Variants in ASIC2 observed in about 807,000 individuals in gnomAD.
The protein encoded by ASIC2 is acid sensing ion channel subunit 2.
Under a neutral mutation model 57.3 loss-of-function variants are expected in ASIC2, and 25 were observed. The ratio of observed to expected loss-of-function variants is 0.44; its 90% CI spans 0.32 to 0.61. The LOEUF (loss-of-function observed/expected upper bound fraction) is 0.61, where lower values mean the gene tolerates loss of function less well. ASIC2 is among the 20% of genes least tolerant of loss of function. The probability of loss-of-function intolerance (pLI) is 0.06; values close to 1 mark genes in which losing one functional copy is unlikely to be tolerated. For missense variants in ASIC2, 641 were observed against 738.1 expected, an observed-to-expected ratio of 0.87 and a Z score of 1.52; for synonymous variants, 319 against 307.5, an observed-to-expected ratio of 1.04 and a Z score of -0.39.
At chr17:34,124,322 G>A (rs1419581925) in intron 1 of ASIC2, among the ~76,000 whole-genome samples, 1 of 151,166 alleles carries the variant, frequency 6.6e-6, no homozygotes, top group African/African-American at 2.4e-5. Flanking sequence ...GCTGCTTCAC[G>A]CACCGAAGCA....
At chr17:34,061,215 T>G (rs961531610) in intron 1 of ASIC2, among the ~76,000 whole-genome samples, 2 of 152,008 alleles carry the variant, frequency 1.3e-5, no homozygotes, top group African/African-American at 2.4e-5. Context: ...AACAAAACCA[T>G]TATCAGCCAA....
At chr17:33,953,201 TCCTA>T (rs1904633835) in intron 1 of ASIC2, among the ~76,000 whole-genome samples, 1 of 152,224 alleles carries the variant, frequency 6.6e-6, no homozygotes, top group Non-Finnish European at 1.5e-5. Flanking sequence ...ATGACATTTC[TCCTA>T]CCTTTTTATA....
chr17:33,169,006 C>T (rs1313311357), intron 1 of ASIC2, among the ~76,000 whole-genome samples: 1 of 152,188 alleles, frequency 6.6e-6, no homozygotes, highest in East Asian at 1.9e-4. Flanking sequence ...TGTCCCATCA[C>T]AGGCCCAGAG....
intron 1 of ASIC2, among the ~76,000 whole-genome samples, chr17:33,311,990 A>G (rs977288169): frequency 1.3e-5 from 2 of 152,164 alleles, no homozygotes; most frequent in African/African-American, 4.8e-5. Flanking sequence ...CTTGGCCTTC[A>G]GAATAAAGTT....
intron 1 of ASIC2, among the ~76,000 whole-genome samples, chr17:33,130,363 T>C (rs1392920443): frequency 2.0e-5 from 3 of 152,054 alleles, no homozygotes; most frequent in African/African-American, 7.2e-5. Flanking sequence ...AATGGCAAAA[T>C]GTTAATATTG....
chr17:33,073,829 C>G (rs1043951066), intron 3 of ASIC2, among the ~76,000 whole-genome samples: 4 of 152,156 alleles, frequency 2.6e-5, no homozygotes, highest in East Asian at 1.9e-4. Flanking sequence ...GGGGCCCAGC[C>G]GCTATGGGCT....
intron 1 of ASIC2, among the ~76,000 whole-genome samples, chr17:33,626,535 C>A (rs2142024203): frequency 6.6e-6 from 1 of 152,270 alleles, no homozygotes; most frequent in South Asian, 2.1e-4. Flanking sequence ...CTTCTGTGTA[C>A]CACCTGAAAT....
intron 1 of ASIC2, among the ~76,000 whole-genome samples, chr17:33,134,212 G>C (rs2092358778): frequency 6.6e-6 from 1 of 152,214 alleles, no homozygotes; most frequent in Admixed American, 6.5e-5. Context: ...TTACATATAA[G>C]AAAGCCAAGC....
chr17:33,452,981 T>C (rs1912315512), intron 1 of ASIC2, among the ~76,000 whole-genome samples: 1 of 152,130 alleles, frequency 6.6e-6, no homozygotes, highest in Non-Finnish European at 1.5e-5. Flanking sequence ...GACAGGGCCT[T>C]AGTGTTTTTC....
chr17:33,922,795 A>G (rs1003633234), intron 1 of ASIC2, among the ~76,000 whole-genome samples: 3 of 152,282 alleles, frequency 2.0e-5, no homozygotes, highest in Non-Finnish European at 2.9e-5. Context: ...GTTCCAACAC[A>G]CATGTTCTCA....
chr17:33,490,319 C>A (rs565320426), intron 1 of ASIC2, among the ~76,000 whole-genome samples: 1 of 152,224 alleles, frequency 6.6e-6, no homozygotes, highest in Non-Finnish European at 1.5e-5. Context: ...TAATTAATGG[C>A]TACATGATAC....
intron 1 of ASIC2, among the ~76,000 whole-genome samples, chr17:33,418,150 C>A (rs1910925398): frequency 1.3e-5 from 2 of 150,842 alleles, no homozygotes; most frequent in African/African-American, 4.9e-5. Flanking sequence ...TCTTGTTTAT[C>A]TTGCCAGTCA....
At chr17:33,782,349 T>C (rs1431185112) in intron 1 of ASIC2, among the ~76,000 whole-genome samples, 1 of 151,946 alleles carries the variant, frequency 6.6e-6, no homozygotes, top group East Asian at 1.9e-4. Flanking sequence ...AAGGTTTAGA[T>C]TGAAGTTCCT....
At chr17:34,050,351 G>A (rs951992630) in intron 1 of ASIC2, among the ~76,000 whole-genome samples, 3 of 152,138 alleles carry the variant, frequency 2.0e-5, no homozygotes, top group African/African-American at 7.2e-5. Flanking sequence ...TGCCAGGTCT[G>A]TTATATGCAG....
At chr17:33,350,420 CTGTAA>C (rs1908116832) in intron 1 of ASIC2, among the ~76,000 whole-genome samples, 1 of 152,122 alleles carries the variant, frequency 6.6e-6, no homozygotes, top group Non-Finnish European at 1.5e-5. Context: ...TGGCTCACAC[CTGTAA>C]TCCTAGCACT....
intron 1 of ASIC2, among the ~76,000 whole-genome samples, chr17:33,986,008 C>T (rs972063349): frequency 6.6e-6 from 1 of 152,216 alleles, no homozygotes; most frequent in Non-Finnish European, 1.5e-5. Context: ...TGAGACTGCT[C>T]TAACCACCCT....
At chr17:33,023,188 C>T (rs2091844600) in intron 6 of ASIC2, among the ~76,000 whole-genome samples, 1 of 152,092 alleles carries the variant, frequency 6.6e-6, no homozygotes, top group Admixed American at 6.5e-5. Flanking sequence ...AACTATACAT[C>T]CTTTAAAAAA....
At chr17:33,125,294 G>A (rs1394746531) in intron 1 of ASIC2, among the ~76,000 whole-genome samples, 1 of 152,194 alleles carries the variant, frequency 6.6e-6, no homozygotes, top group East Asian at 1.9e-4. Flanking sequence ...AGAAGAGAGA[G>A]CATAGGCTTT....
intron 1 of ASIC2, among the ~76,000 whole-genome samples, chr17:33,810,072 A>G (rs1912375577): frequency 1.3e-5 from 2 of 152,184 alleles, no homozygotes; most frequent in South Asian, 4.1e-4. Context: ...TTTAATTCTT[A>G]CAGGTAAACT....
Sources: gnomAD v4.1 joint callset for allele counts (sites outside exome capture counted in the v4.1 genomes callset) on GRCh38, gnomAD v4.1.1 for gene constraint, MANE v1.5 for transcripts, NCBI Gene and HGNC (gene_info 2026-07-23, HGNC 2026-07-21) for gene names.